The following SH2B1 variants were observed in gnomAD, a reference collection of about 807,000 sequenced individuals.
The protein encoded by SH2B1 is SH2B adaptor protein 1.
Under a neutral mutation model 62.6 loss-of-function variants are expected in SH2B1, and 15 were observed. That is an observed-to-expected ratio of 0.24 (90% confidence interval 0.16 to 0.37). The LOEUF is 0.37. SH2B1 is among the 10% of genes least tolerant of loss of function. SH2B1 has a pLI of 1.00. For missense variants in SH2B1, 925 were observed against 1,015.6 expected, an observed-to-expected ratio of 0.91 and a Z score of 1.21; for synonymous variants, 443 against 438.0, an observed-to-expected ratio of 1.01 and a Z score of -0.14.
In SH2B1 at chr16:28,865,700, G is replaced by T. The variant is rs950657069; in HGVS notation, c.-395G>T. On this transcript the variant is annotated 5_prime_UTR_variant, in exon 1 of 8. In the 5' UTR this introduces an upstream ATG that the reference lacks. Coordinates refer to ENST00000684370, the MANE Select transcript of SH2B1 (RefSeq NM_001387430.1). ...TGAATATTGGAGGATCCGATGTAGA[G>T]GGGGGGTGATCTGGAAAAGTTCCCT... is the stretch of plus-strand genomic sequence containing the variant. 5 of 1,013,846 alleles carry T rather than the reference G, an allele frequency of 4.9e-6. No homozygotes were observed. The highest frequency in any genetic ancestry group is 4.7e-6 in the Non-Finnish European group (4 of 849,422). 62.8% of individuals were successfully genotyped at this position (1,013,846 alleles called of 1,614,324 possible). A position where few individuals can be genotyped will look rare whatever the true frequency, so the allele number is the denominator to read the frequency against.
intron 1 of SH2B1, among the ~76,000 whole-genome samples, chr16:28,852,809 C>CATATATATATTTTTAT (rs1253366604): frequency 1.0e-4 from 4 of 39,494 alleles, no homozygotes; most frequent in Non-Finnish European, 1.9e-4. Context: ...TATATATTTA[C>CATATATATATTTTTAT]ATATATTTAC....
At chr16:28,869,963 A>G (rs1476571285) in intron 4 of SH2B1, among the ~76,000 whole-genome samples, 2 of 152,234 alleles carry the variant, frequency 1.3e-5, no homozygotes, top group Non-Finnish European at 2.9e-5. Context: ...GTGAATGAAC[A>G]CATGAATCAT....
At position 28,873,062 on chromosome 16, in the gene SH2B1, T is replaced by A; in HGVS notation, c.1897+357T>A. ...TTGGGCCTGCCCTTCCCGGGGACACTCGGTCTGATCCCCTTCCCTCCTCCC... is the reference window on the plus strand; with the variant it reads ...TTGGGCCTGCCCTTCCCGGGGACACACGGTCTGATCCCCTTCCCTCCTCCC... On this transcript the variant is annotated intron_variant, in intron 7 of 7. Transcript: ENST00000684370. This position sits in a 1 kb window ranked among gnomAD's most constrained non-coding sequence, Gnocchi z 4.2. The A allele has an allele frequency of 1.3e-6, 1 of 795,710 alleles. No individual in the cohort carries two copies. Among genetic ancestry groups the A allele is most frequent in the Non-Finnish European group, 2.0e-6 (1 of 510,316 alleles). The allele number at this position is 795,710 out of a possible 1,614,324, so 49.3% of individuals were successfully genotyped here.
At chr16:28,849,120 T>C (rs1376343597) in intron 1 of SH2B1, among the ~76,000 whole-genome samples, 3 of 152,210 alleles carry the variant, frequency 2.0e-5, no homozygotes, top group Non-Finnish European at 2.9e-5. Flanking sequence ...GTTTTTGTTT[T>C]TTTGACAGAG....
intron 1 of SH2B1, among the ~76,000 whole-genome samples, chr16:28,853,258 C>G (rs1324402312): frequency 7.0e-6 from 1 of 143,876 alleles, no homozygotes; most frequent in African/African-American, 2.6e-5. Flanking sequence ...CACACACATA[C>G]ATATATTGGC....
chr16:28,852,547 T>C lies in SH2B1; in HGVS notation c.-301+5720T>C, dbSNP rs1180935788. Among the ~76,000 whole-genome samples the C allele has an allele frequency of 2.8e-4, 11 of 39,886 alleles. 5 individuals are homozygous for C. Among genetic ancestry groups the C allele is most frequent in the African/African-American group, 2.5e-3 (11 of 4,488 alleles). The allele number at this position is 39,886 out of a possible 152,430, so 26.2% of individuals were successfully genotyped here. A position where few individuals can be genotyped will look rare whatever the true frequency, so the allele number is the denominator to read the frequency against. ...ATATATATACACATATATTTATATA[T>C]ATACACATATTTATATATATACACA... On this transcript the variant is annotated intron_variant, in intron 1 of 10. Transcript: ENST00000322610.
Position 28,873,619 on chromosome 16 carries a change from A to G in SH2B1, c.2070A>G (p.Glu690=). ...AAGCGGGCGGTGGAGGGGTCCCGGA[A>G]GAGCTGGTCCCCGTGGTTGAGCTGG... The part of the protein sequence containing the change: ...KEKAGGGGVP[E]ELVPVVELVP... The change falls in exon 8 of 8, where the codon GAA becomes GAG. Residue 690 remains glutamate, a synonymous_variant. Coordinates refer to ENST00000684370, the MANE Select transcript of SH2B1 (RefSeq NM_001387430.1). This position sits in a 1 kb window ranked among gnomAD's most constrained non-coding sequence, Gnocchi z 4.2. The G allele has an allele frequency of 6.5e-7, 1 of 1,545,828 alleles. No homozygotes were observed. The highest frequency in any genetic ancestry group is 8.7e-7 in the Non-Finnish European group (1 of 1,144,736).
At position 28,873,487 on chromosome 16, in the gene SH2B1, C is replaced by T. The variant is rs1399207068; in HGVS notation, c.1938C>T (p.Pro646=). The T allele has an allele frequency of 1.3e-6, 2 of 1,576,110 alleles. No homozygotes were observed. The highest frequency in any genetic ancestry group is 2.7e-5 in the African/African-American group (2 of 73,332). ...ATGACCCACCCCAGCCCCCTGAACCCCCTTCATGGACAGATCCCCCACAGC... is the reference window on the plus strand; with the variant it reads ...ATGACCCACCCCAGCCCCCTGAACCTCCTTCATGGACAGATCCCCCACAGC... ...TSHDPPQPPE[P]PSWTDPPQPG... The change falls in exon 8 of 8, where the codon CCC becomes CCT. Residue 646 remains proline, a synonymous_variant. Transcript: ENST00000684370. The surrounding 1 kb of genome is among the most constrained non-coding windows in gnomAD (Gnocchi z 4.2).
At position 28,864,335 on chromosome 16, in the gene SH2B1, C is replaced by T; in HGVS notation, c.-1760C>T. The stretch of plus-strand genomic sequence containing the variant: ...AACTGAGTCACCAGCTTAGGAGTCG[C>T]AGGGTCAGCGGGCCTGAAGGGGGCT... On this transcript the variant is annotated 5_prime_UTR_variant, in exon 1 of 8. Coordinates refer to ENST00000684370, the MANE Select transcript of SH2B1 (RefSeq NM_001387430.1). The T allele has an allele frequency of 1.0e-6, 1 of 992,994 alleles. No individual in the cohort carries two copies. The highest frequency in any genetic ancestry group is 4.4e-5 in the South Asian group (1 of 22,830). The allele number at this position is 992,994 out of a possible 1,614,324, so 61.5% of individuals were successfully genotyped here.
chr16:28,872,371 C>T lies in SH2B1; in HGVS notation c.1695C>T (p.Val565=). The T allele has an allele frequency of 6.2e-6, 10 of 1,610,462 alleles. No individual in the cohort carries two copies. Among genetic ancestry groups the T allele is most frequent in the South Asian group, 1.1e-5 (1 of 90,668 alleles). ...GTGAGACAAGGCGGGGTGAATACGT[C>T]CTCACCTTCAACTTCCAGGGCAAGG... ...RQSETRRGEY[V]LTFNFQGKAK... Residue 565 remains valine, a synonymous_variant, in exon 6 of 8, where the codon GTC becomes GTT. Coordinates refer to ENST00000684370, the MANE Select transcript of SH2B1 (RefSeq NM_001387430.1). The surrounding 1 kb of genome is among the most constrained non-coding windows in gnomAD (Gnocchi z 5.3).
In SH2B1 at chr16:28,873,762, G is replaced by A. The variant is rs1271827025; in HGVS notation, c.2213G>A (p.Gly738Asp). The A allele has an allele frequency of 3.3e-5, 49 of 1,474,880 alleles. No homozygotes were observed. Among genetic ancestry groups the A allele is most frequent in the Admixed American group, 1.3e-4 (5 of 37,704 alleles). 91.4% of individuals were successfully genotyped at this position (1,474,880 alleles called of 1,614,324 possible). ...MVQLQQSPLG[G>D]DGEEGGHPRA... ...CAGCTGCAGCAGTCACCACTAGGGG[G>A]TGATGGAGAGGAAGGGGGCCACCCC... The change falls in exon 8 of 8, where the codon GGT becomes GAT. Residue 738 changes from glycine (G) to aspartate (D), a missense_variant. Physicochemically the swap from Gly to Asp is moderately conservative, Grantham distance 94. Transcript: ENST00000684370. The surrounding 1 kb of genome is among the most constrained non-coding windows in gnomAD (Gnocchi z 4.2).
Position 28,869,318 on chromosome 16 carries a change from C to T in SH2B1, c.1244C>T (p.Ser415Leu), listed in dbSNP as rs781524149. The part of the protein sequence containing the change: ...DSLELSCLNH[S>L]ESLPSQDLLL... ...CTGGAGCTGTCCTGCCTGAATCACT[C>T]GGAGAGTCTACCCAGCCAGGACCTG... The change falls in exon 4 of 8, where the codon TCG becomes TTG. Residue 415 changes from serine to leucine, a missense_variant. Ser to Leu is a moderately radical substitution (Grantham distance 145, BLOSUM62 -2). Coordinates refer to ENST00000684370, the MANE Select transcript of SH2B1 (RefSeq NM_001387430.1). 6 of 1,614,136 alleles carry T rather than the reference C, an allele frequency of 3.7e-6. No homozygotes were observed. The highest frequency in any genetic ancestry group is 1.1e-5 in the South Asian group (1 of 91,086).
At chr16:28,856,172 G>A (rs2152161990) in intron 1 of SH2B1, among the ~76,000 whole-genome samples, 1 of 150,468 alleles carries the variant, frequency 6.6e-6, no homozygotes, top group East Asian at 2.0e-4. Context: ...TACTAGGGAG[G>A]CTGAGGCAGG....
chr16:28,850,730 G>A (rs1435512139), intron 1 of SH2B1, among the ~76,000 whole-genome samples: 1 of 151,588 alleles, frequency 6.6e-6, no homozygotes, highest in Non-Finnish European at 1.5e-5. Context: ...GTGGTGGCAC[G>A]TGCCTGTAGT....
chr16:28,853,037 C>T (rs1213121824), intron 1 of SH2B1, among the ~76,000 whole-genome samples: 1 of 79,234 alleles, frequency 1.3e-5, no homozygotes, highest in Non-Finnish European at 2.2e-5. Flanking sequence ...TATATATGTA[C>T]ATATATATTT....
At chr16:28,863,587 C>T, upstream of SH2B1, 2 of 1,240,306 alleles carry the variant, frequency 1.6e-6, no homozygotes, top group Non-Finnish European at 1.1e-6. Context: ...TCGACATCGC[C>T]CCTTTGTCCC....
chr16:28,860,717 T>A (rs939369899), upstream of SH2B1, among the ~76,000 whole-genome samples: 6 of 152,186 alleles, frequency 3.9e-5, no homozygotes, highest in Non-Finnish European at 5.9e-5. Flanking sequence ...TGTTTGTGTT[T>A]GCCCATTTCC....
In SH2B1 at chr16:28,869,268, C is replaced by T; in HGVS notation, c.1194C>T (p.Phe398=). ...TCCCTCTGGCCCCTGGGACCTCATT[C>T]CTTACAAGGGAGAACACAGACAGCC... ...MTLPLAPGTS[F]LTRENTDSLE... Residue 398 remains phenylalanine, a synonymous_variant, in exon 4 of 8, where the codon TTC becomes TTT. Transcript: ENST00000684370. 6.2e-7 allele frequency: 1 copy of T among 1,614,190 alleles called. No individual in the cohort carries two copies. The highest frequency in any genetic ancestry group is 8.5e-7 in the Non-Finnish European group (1 of 1,180,024).
At position 28,866,663 on chromosome 16, in the gene SH2B1, G is replaced by GC; in HGVS notation, c.575dup (p.Val193SerfsTer19). The GC allele has an allele frequency of 1.2e-6, 2 of 1,610,448 alleles. No individual in the cohort carries two copies. The highest frequency in any genetic ancestry group is 1.7e-6 in the Non-Finnish European group (2 of 1,177,994). ...GCTGGGCCCCTGGAGACCTCGTCAGGCCCCCCAGTCTTAGGTGGAAACAGC... is the reference window on the plus strand; with the variant it reads ...GCTGGGCCCCTGGAGACCTCGTCAGGCCCCCCCAGTCTTAGGTGGAAACAGC... On this transcript the variant is annotated frameshift_variant, in exon 1 of 8. Coordinates refer to ENST00000684370, the MANE Select transcript of SH2B1 (RefSeq NM_001387430.1). LOFTEE classifies it high-confidence loss of function. This position sits in a 1 kb window ranked among gnomAD's most constrained non-coding sequence, Gnocchi z 6.3.
Sources: gnomAD v4.1 joint callset for allele counts (sites outside exome capture counted in the v4.1 genomes callset) on GRCh38, gnomAD v4.1.1 for gene constraint, Gnocchi (gnomAD v3.1) non-coding constraint, MANE v1.5 for transcripts, NCBI Gene and HGNC (gene_info 2026-07-23, HGNC 2026-07-21) for gene names.